Variants in PYHIN1 observed in about 807,000 individuals in gnomAD.
PYHIN1 encodes pyrin and HIN domain family member 1.
PYHIN1 carries 32 observed loss-of-function variants against 43.7 expected under a neutral mutation model. The ratio of observed to expected loss-of-function variants is 0.73; its 90% CI spans 0.55 to 0.98. The LOEUF is 0.98. PYHIN1 is among the 50% of genes least tolerant of loss of function. The pLI is 0.00. For missense variants in PYHIN1, 588 were observed against 589.5 expected, an observed-to-expected ratio of 1.00 and a Z score of 0.03; for synonymous variants, 205 against 203.1, an observed-to-expected ratio of 1.01 and a Z score of -0.08.
chr1:158,978,062 G>T (rs755471682), downstream of PYHIN1, among the ~76,000 whole-genome samples: 2 of 152,042 alleles, frequency 1.3e-5, no homozygotes, highest in Non-Finnish European at 2.9e-5. Context: ...AGGAAAAGAG[G>T]CATTAAAGTT....
At chr1:158,973,601 T>C (rs763341795) in intron 7 of PYHIN1, 46 bp from the exon 8 acceptor site, 4 of 1,607,014 alleles carry the variant, frequency 2.5e-6, no homozygotes, top group African/African-American at 1.3e-5. Flanking sequence ...ACCAGTTCTT[T>C]CTGTCATAAA....
rs772242282 is a variant in PYHIN1, at chr1:158,938,513, A to G, written c.382A>G (p.Lys128Glu). 6.2e-7 allele frequency: 1 copy of G among 1,614,208 alleles called. No individual in the cohort carries two copies. The highest frequency in any genetic ancestry group is 1.1e-5 in the South Asian group (1 of 91,082). The part of the protein sequence containing the change: ...ACTPSNRLTA[K>E]GAEETLGPQK... ...CACCCCAAGCAACCGTCTCACAGCTAAAGGAGCAGAGGAGACTCTTGGACC... is the reference window on the plus strand; with the variant it reads ...CACCCCAAGCAACCGTCTCACAGCTGAAGGAGCAGAGGAGACTCTTGGACC... The change falls in exon 3 of 9, where the codon AAA (lysine) becomes GAA (glutamate). Residue 128 changes from lysine to glutamate, a missense_variant. Lys to Glu is a moderately conservative substitution (Grantham distance 56). Transcript: ENST00000368140.
At chr1:158,984,936 T>G in the PYHIN1 span, among the ~76,000 whole-genome samples, 1,549 of 151,514 alleles carry the variant, frequency 0.01, 29 homozygotes, top group African/African-American at 0.035. Flanking sequence ...TAGCTTTTGG[T>G]TTAAGGTCTG....
intron 4 of PYHIN1, chr1:158,939,805 G>A: frequency 6.9e-6 from 3 of 432,750 alleles, no homozygotes; most frequent in Non-Finnish European, 1.2e-5. Context: ...GTTAATAAGT[G>A]TTTATCTTTC....
Position 158,973,680 on chromosome 1 carries a change from CCTG to C in PYHIN1, c.1395_1397del (p.Ala466del). ...AACCCACCCAGGAGCACAGTCATCG[CCTG>C]CAAACTTTAGAATCACCTCACCAAC... is the stretch of plus-strand genomic sequence containing the variant. On this transcript the variant is annotated inframe_deletion, in exon 8 of 9. Transcript: ENST00000368140. The C allele has an allele frequency of 6.2e-7, 1 of 1,613,044 alleles. No individual in the cohort carries two copies. The highest frequency in any genetic ancestry group is 1.7e-5 in the Admixed American group (1 of 59,846).
At chr1:158,984,028 G>GTTTTTTTTTTTTTT in the PYHIN1 span, among the ~76,000 whole-genome samples, 9 of 111,172 alleles carry the variant, frequency 8.1e-5, no homozygotes, top group East Asian at 2.5e-4. Context: ...ATCTTCTCCT[G>GTTTTTTTTTTTTTT]TTTTTTTTTT....
chr1:158,940,873 T>C (rs1022105165), intron 4 of PYHIN1, among the ~76,000 whole-genome samples: 2 of 152,230 alleles, frequency 1.3e-5, no homozygotes, highest in African/African-American at 4.8e-5. Context: ...ACATATTTTT[T>C]CTGAAAATAT....
In PYHIN1 at chr1:158,954,031, C is replaced by T. The variant is rs368483837; in HGVS notation, c.1359+8989C>T. On this transcript the variant is annotated intron_variant, in intron 7 of 8. Coordinates refer to ENST00000368140, the MANE Select transcript of PYHIN1 (RefSeq NM_152501.5). ...GGAAGATGAAATGAATGAAATGAAG[C>T]GAGAAGGGAAGTTTAGAGAAAAAAG... Among the ~76,000 whole-genome samples, 93 of 100,342 alleles carry T rather than the reference C, an allele frequency of 9.3e-4. 3 individuals carry two copies. The East Asian group carries it at 0.018, about 19-fold the overall frequency. The allele number at this position is 100,342 out of a possible 152,430, so 65.8% of individuals were successfully genotyped here.
At chr1:158,982,865 T>C in the PYHIN1 span, among the ~76,000 whole-genome samples, 3 of 152,116 alleles carry the variant, frequency 2.0e-5, no homozygotes, top group Non-Finnish European at 4.4e-5. Flanking sequence ...CCTCCCAGGT[T>C]AGCTGTATTC....
chr1:158,962,867 A>T (rs1650406380), intron 7 of PYHIN1, among the ~76,000 whole-genome samples: 1 of 152,170 alleles, frequency 6.6e-6, no homozygotes, highest in Non-Finnish European at 1.5e-5. Context: ...GGGGTCCCAG[A>T]GGCAACTGAC....
At chr1:158,963,210 T>C (rs1384303990) in intron 7 of PYHIN1, among the ~76,000 whole-genome samples, 1 of 152,102 alleles carries the variant, frequency 6.6e-6, no homozygotes, top group Non-Finnish European at 1.5e-5. Flanking sequence ...GCCTTCAGAC[T>C]GGGGAAGGAA....
chr1:158,983,482 G>T, the PYHIN1 span, among the ~76,000 whole-genome samples: 1 of 152,064 alleles, frequency 6.6e-6, no homozygotes, highest in Admixed American at 6.6e-5. Flanking sequence ...CATTCCAGGG[G>T]TAAAGCTTAC....
At chr1:158,970,745 A>G (rs1047470971) in intron 7 of PYHIN1, among the ~76,000 whole-genome samples, 2 of 152,126 alleles carry the variant, frequency 1.3e-5, no homozygotes, top group South Asian at 2.1e-4. Context: ...TGCATATACT[A>G]TAACAATGAA....
intron 7 of PYHIN1, among the ~76,000 whole-genome samples, chr1:158,946,547 T>TCAGA (rs145557906): frequency 5.5e-4 from 82 of 148,538 alleles, no homozygotes; most frequent in African/African-American, 1.8e-3. Flanking sequence ...AGCACAGTGA[T>TCAGA]TAGATAGATA....
At chr1:158,972,287 C>T (rs1650976667) in intron 7 of PYHIN1, among the ~76,000 whole-genome samples, 1 of 152,032 alleles carries the variant, frequency 6.6e-6, no homozygotes, top group Admixed American at 6.6e-5. Context: ...CTTCTTGTTG[C>T]CATTCTTTGT....
intron 7 of PYHIN1, among the ~76,000 whole-genome samples, chr1:158,962,870 C>A (rs1233423909): frequency 1.3e-5 from 2 of 152,164 alleles, no homozygotes; most frequent in Non-Finnish European, 2.9e-5. Context: ...GTCCCAGAGG[C>A]AACTGACAGC....
In PYHIN1 at chr1:158,942,339, CAATATTCTTCACA is replaced by C. The variant is rs1648972839; in HGVS notation, c.945_957del (p.Ile316LysfsTer18). On this transcript the variant is annotated frameshift_variant, in exon 5 of 9. Transcript: ENST00000368140. LOFTEE classifies it high-confidence loss of function. ...GAAGAGCAAAGAAAATTCCGAAGAT[CAATATTCTTCACA>C]AACAAACTTCAGGATATATTGTATA... 2 of 1,612,188 alleles carry C rather than the reference CAATATTCTTCACA, an allele frequency of 1.2e-6. No homozygotes were observed. Among genetic ancestry groups the C allele is most frequent in the African/African-American group, 2.7e-5 (2 of 74,752 alleles).
intron 7 of PYHIN1, among the ~76,000 whole-genome samples, chr1:158,967,000 C>A (rs547912447): frequency 2.0e-5 from 3 of 152,238 alleles, no homozygotes; most frequent in South Asian, 2.1e-4. Flanking sequence ...ATCTCATAAA[C>A]AACTTCAGCA....
the PYHIN1 span, among the ~76,000 whole-genome samples, chr1:158,984,831 C>T: frequency 6.6e-6 from 1 of 152,104 alleles, no homozygotes; most frequent in Non-Finnish European, 1.5e-5. Context: ...TCTGGTTGTG[C>T]CAGTGCTGAA....
Sources: allele counts gnomAD v4.1 joint callset (sites outside exome capture counted in the v4.1 genomes callset), GRCh38; gene constraint gnomAD v4.1.1; transcripts MANE v1.5; gene names NCBI Gene and HGNC (gene_info 2026-07-23, HGNC 2026-07-21).